The following LIG1 variants were observed in gnomAD, a reference collection of about 807,000 sequenced individuals.
LIG1 encodes the protein DNA ligase 1, also known as ligase I, DNA, ATP-dependent.
In LIG1, 70 loss-of-function variants were observed where a neutral mutation model predicts 115.7. The ratio of observed to expected loss-of-function variants is 0.60; its 90% CI spans 0.50 to 0.74. The LOEUF is 0.74. Ranked by LOEUF, LIG1 falls within the 30% of genes least tolerant of loss-of-function variation. The pLI is 0.00. For missense variants in LIG1, 1,115 were observed against 1,225.6 expected, an observed-to-expected ratio of 0.91 and a Z score of 1.35; for synonymous variants, 487 against 495.3, an observed-to-expected ratio of 0.98 and a Z score of 0.22.
chr19:48,168,781 G>GT (rs1265984491), intron 1 of LIG1, among the ~76,000 whole-genome samples: 2 of 152,186 alleles, frequency 1.3e-5, no homozygotes, highest in African/African-American at 4.8e-5. Context: ...ATCGATTATG[G>GT]TAATAACTGC....
In LIG1 at chr19:48,168,884, CGCT is replaced by C. The variant is rs1265962665; in HGVS notation, c.-58+1354_-58+1356del. On this transcript the variant is annotated intron_variant, in intron 1 of 27. Transcript: ENST00000263274. ...AATACACTTTAAATACACTGAAAAC[CGCT>C]GACTTGTACATTTTAAATGGGCAAA... Among the ~76,000 whole-genome samples the C allele has an allele frequency of 5.9e-5, 9 of 152,190 alleles. No homozygotes were observed. The East Asian group carries it at 1.5e-3, about 26-fold the overall frequency.
rs763209105 is a variant in LIG1, at chr19:48,137,100, A to T, written c.1255-16T>A. Reference sequence around the variant, plus strand: ...TGGCTGTGGACTGGAGAGTCAGGGGAAGAGCCGTCAGTGCCTGGTGAAGGC... The same window carrying T: ...TGGCTGTGGACTGGAGAGTCAGGGGTAGAGCCGTCAGTGCCTGGTGAAGGC... On this transcript the variant is annotated splice_polypyrimidine_tract_variant and intron_variant, in intron 13 of 27. Transcript: ENST00000263274. This position sits in a 1 kb window ranked among gnomAD's most constrained non-coding sequence, Gnocchi z 4.3. The T allele has an allele frequency of 1.6e-5, 25 of 1,605,330 alleles. No homozygotes were observed. In the Middle Eastern group the frequency reaches 5.0e-4, roughly 32 times the overall value.
Position 48,137,269 on chromosome 19 carries a change from G to A in LIG1, c.1255-185C>T, listed in dbSNP as rs1356969429. ...TAAGAACGAGCTAGCTCTCCTCCTTGCCTCCCTCTCCCTTTATCCAGGAAG... is the reference window on the plus strand; with the variant it reads ...TAAGAACGAGCTAGCTCTCCTCCTTACCTCCCTCTCCCTTTATCCAGGAAG... On this transcript the variant is annotated intron_variant, in intron 13 of 27. Coordinates refer to ENST00000263274, the MANE Select transcript of LIG1 (RefSeq NM_000234.3). This position sits in a 1 kb window ranked among gnomAD's most constrained non-coding sequence, Gnocchi z 4.3. Among the ~76,000 whole-genome samples the A allele has an allele frequency of 6.6e-6, 1 of 152,186 alleles. No homozygotes were observed. Among genetic ancestry groups the A allele is most frequent in the Non-Finnish European group, 1.5e-5 (1 of 68,044 alleles).
At chr19:48,123,605 C>G in intron 21 of LIG1, 1 of 492,254 alleles carries the variant, frequency 2.0e-6, no homozygotes, top group Non-Finnish European at 3.7e-6. Context: ...ACGGGCATCT[C>G]ATCAGTTTTG....
chr19:48,165,144 A>C (rs1037839172), intron 2 of LIG1, among the ~76,000 whole-genome samples: 4 of 152,130 alleles, frequency 2.6e-5, no homozygotes, highest in Admixed American at 6.5e-5. Context: ...CTATAATCCC[A>C]GCTACTCAGG....
intron 1 of LIG1, chr19:48,169,961 G>C (rs1321059710): frequency 1.7e-5 from 3 of 172,560 alleles, no homozygotes; most frequent in Admixed American, 1.2e-4. Context: ...CCCCTTTCCA[G>C]GTGAACTCGC....
chr19:48,137,689 C>A lies in LIG1; in HGVS notation c.1088-1G>T. On this transcript the variant is annotated splice_acceptor_variant, in intron 12 of 27. Coordinates refer to ENST00000263274, the MANE Select transcript of LIG1 (RefSeq NM_000234.3). LOFTEE classifies it high-confidence loss of function. This position sits in a 1 kb window ranked among gnomAD's most constrained non-coding sequence, Gnocchi z 4.3. ...GCCCGGACGGACTCCAGCTGCCGAC[C>A]TTCAGGGGAGAGCGCGGGTGGGGGT... is the stretch of plus-strand genomic sequence containing the variant. 1 of 1,602,844 alleles carries A rather than the reference C, an allele frequency of 6.2e-7. No individual in the cohort carries two copies.
At chr19:48,128,486 A>T (rs1418136051) in intron 19 of LIG1, among the ~76,000 whole-genome samples, 1 of 150,898 alleles carries the variant, frequency 6.6e-6, no homozygotes, top group South Asian at 2.1e-4. Context: ...AGCTGGGGGG[A>T]CTCTCCCGGG....
chr19:48,160,440 G>A (rs1277994471), intron 4 of LIG1, among the ~76,000 whole-genome samples: 9 of 152,176 alleles, frequency 5.9e-5, no homozygotes, highest in Non-Finnish European at 5.9e-5. Flanking sequence ...TGTGGATGCG[G>A]CTGCAGATGT....
At position 48,115,515 on chromosome 19, in the gene LIG1, TCACA is replaced by T; in HGVS notation, c.*130_*133del. 1.4e-6 allele frequency: 1 copy of T among 700,846 alleles called. No individual in the cohort carries two copies. Among genetic ancestry groups the T allele is most frequent in the Non-Finnish European group, 2.6e-6 (1 of 387,730 alleles). The allele number at this position is 700,846 out of a possible 1,614,324, so 43.4% of individuals were successfully genotyped here. A position where few individuals can be genotyped will look rare whatever the true frequency, so the allele number is the denominator to read the frequency against. ...CCAGACTCCGGAGTAAGCCACCCCC[TCACA>T]CACACACCCCTCCCCTGACTCTCAA... On this transcript the variant is annotated 3_prime_UTR_variant, in exon 28 of 28. Coordinates refer to ENST00000263274, the MANE Select transcript of LIG1 (RefSeq NM_000234.3).
intron 2 of LIG1, among the ~76,000 whole-genome samples, chr19:48,164,748 G>T (rs1003941271): frequency 6.6e-6 from 1 of 152,226 alleles, no homozygotes; most frequent in Non-Finnish European, 1.5e-5. Context: ...AGGTTTCAAT[G>T]ATATAAGTCA....
intron 4 of LIG1, among the ~76,000 whole-genome samples, chr19:48,158,463 C>T (rs745788062): frequency 6.6e-6 from 1 of 152,234 alleles, no homozygotes; most frequent in Non-Finnish European, 1.5e-5. Flanking sequence ...GCCACTGCTA[C>T]CGTGTCTCGG....
At chr19:48,162,222 T>C (rs761807824) in intron 3 of LIG1, 40 bp downstream of exon 3, 3 of 1,562,820 alleles carry the variant, frequency 1.9e-6, no homozygotes, top group Non-Finnish European at 2.6e-6. Context: ...TCCTGACTGC[T>C]AAAGGAAAAA....
chr19:48,123,924 TAC>T (rs1163337197), intron 21 of LIG1, among the ~76,000 whole-genome samples: 1 of 152,214 alleles, frequency 6.6e-6, no homozygotes, highest in Non-Finnish European at 1.5e-5. Flanking sequence ...CCAGCACATT[TAC>T]AGTTTTGTGT....
At chr19:48,136,462 G>A (rs1429414711) in intron 14 of LIG1, among the ~76,000 whole-genome samples, 1 of 152,158 alleles carries the variant, frequency 6.6e-6, no homozygotes, top group African/African-American at 2.4e-5. Context: ...CCTGGTGACT[G>A]TAATGGTCAG....
chr19:48,154,120 C>T (rs1332426630), intron 5 of LIG1, 153 bp from the exon 6 acceptor site: 24 of 707,376 alleles, frequency 3.4e-5, no homozygotes, highest in Middle Eastern at 3.2e-4. Context: ...CAGGCCGCAC[C>T]CTTCAATCCC....
chr19:48,120,077 T>C, intron 24 of LIG1: 1 of 535,910 alleles, frequency 1.9e-6, no homozygotes, highest in Non-Finnish European at 2.4e-6. Flanking sequence ...ATGGTGACAA[T>C]GTAGATTGGT....
At chr19:48,168,272 C>CA (rs1309501470) in intron 1 of LIG1, among the ~76,000 whole-genome samples, 1 of 152,208 alleles carries the variant, frequency 6.6e-6, no homozygotes, top group Non-Finnish European at 1.5e-5. Flanking sequence ...CAAATACCCT[C>CA]AATCCTCAAG....
At chr19:48,155,039 G>C (rs3730883) in intron 5 of LIG1, among the ~76,000 whole-genome samples, 1 of 152,080 alleles carries the variant, frequency 6.6e-6, no homozygotes, top group African/African-American at 2.4e-5. Context: ...TGTGAGGTTT[G>C]GGACATAGCT....
Sources: gnomAD v4.1 joint callset for allele counts (sites outside exome capture counted in the v4.1 genomes callset) on GRCh38, gnomAD v4.1.1 for gene constraint, Gnocchi (gnomAD v3.1) non-coding constraint, MANE v1.5 for transcripts, NCBI Gene and HGNC (gene_info 2026-07-23, HGNC 2026-07-21) for gene names.